BRINP1: variants seen among roughly 807,000 people sequenced by gnomAD.
BRINP1 encodes BMP/retinoic acid-inducible neural-specific protein 1.
Under a neutral mutation model 72.9 loss-of-function variants are expected in BRINP1, and 17 were observed. The observed-to-expected ratio is 0.23, with a 90% confidence interval of 0.16 to 0.35. The LOEUF (loss-of-function observed/expected upper bound fraction) is 0.35. BRINP1 is among the 10% of genes least tolerant of loss of function. BRINP1 has a pLI of 1.00. For synonymous variants in BRINP1, 418 were observed against 378.5 expected, an observed-to-expected ratio of 1.10 and a Z score of -1.21; for missense variants, 850 against 1,001.6, an observed-to-expected ratio of 0.85 and a Z score of 2.04.
intron 1 of BRINP1, among the ~76,000 whole-genome samples, chr9:119,329,267 T>C (rs976508322): frequency 6.6e-6 from 1 of 152,324 alleles, no homozygotes; most frequent in African/African-American, 2.4e-5. Flanking sequence ...ACCCTTGGCC[T>C]GATGTTTCCA....
intron 1 of BRINP1, among the ~76,000 whole-genome samples, chr9:119,325,636 A>G (rs1317422468): frequency 6.6e-6 from 1 of 152,130 alleles, no homozygotes; most frequent in Non-Finnish European, 1.5e-5. Flanking sequence ...GGATTATCAC[A>G]ACCATCTTCC....
chr9:119,328,324 AG>A (rs1261968395), intron 1 of BRINP1, among the ~76,000 whole-genome samples: 1 of 152,238 alleles, frequency 6.6e-6, no homozygotes, highest in Non-Finnish European at 1.5e-5. Context: ...AAAGAGATTA[AG>A]GCATGAATGG....
intron 2 of BRINP1, among the ~76,000 whole-genome samples, chr9:119,275,381 C>A (rs1215472669): frequency 6.6e-6 from 1 of 152,116 alleles, no homozygotes; most frequent in Non-Finnish European, 1.5e-5. Context: ...AAGGGTATAA[C>A]CTTATTCTGT....
chr9:119,178,281 T>C (rs1418506106), intron 7 of BRINP1, among the ~76,000 whole-genome samples: 1 of 152,182 alleles, frequency 6.6e-6, no homozygotes, highest in Non-Finnish European at 1.5e-5. Flanking sequence ...CCTCCCTTTC[T>C]AGAGAGGCCA....
rs1490214225 is a variant in BRINP1, at chr9:119,242,168, T to C, written c.458A>G (p.Lys153Arg). Residue 153 changes from lysine to arginine, a missense_variant, in exon 4 of 8, where the codon AAG becomes AGG. Transcript: ENST00000265922. ...MYMDKSRLDRKSGNATQSVEA... is the reference protein window; with the variant it reads ...MYMDKSRLDRRSGNATQSVEA... ...AACACTTTGAGTGGCATTCCCTGAC[T>C]TCCTGTCGAGGCGACTTTTGTCCAT... is the stretch of plus-strand genomic sequence containing the variant. 2 of 1,614,146 alleles carry C rather than the reference T, an allele frequency of 1.2e-6. No individual in the cohort carries two copies. The highest frequency in any genetic ancestry group is 1.7e-6 in the Non-Finnish European group (2 of 1,180,032).
chr9:119,178,402 C>T (rs1829512941), intron 7 of BRINP1, among the ~76,000 whole-genome samples: 2 of 152,144 alleles, frequency 1.3e-5, no homozygotes, highest in South Asian at 4.1e-4. Flanking sequence ...GAGATTAGAA[C>T]CACAAAAAGC....
intron 2 of BRINP1, among the ~76,000 whole-genome samples, chr9:119,295,388 C>T (rs975205043): frequency 1.6e-4 from 24 of 152,074 alleles, no homozygotes; most frequent in Admixed American, 2.6e-4. Context: ...CTTGCACCAA[C>T]CTAGATGATA....
intron 2 of BRINP1, among the ~76,000 whole-genome samples, chr9:119,284,071 C>A (rs1201091989): frequency 6.6e-6 from 1 of 152,276 alleles, no homozygotes; most frequent in East Asian, 1.9e-4. Context: ...TTCAAATATA[C>A]ATTAACTTTG....
intron 2 of BRINP1, among the ~76,000 whole-genome samples, chr9:119,273,000 A>G (rs1437785972): frequency 6.6e-6 from 1 of 152,194 alleles, no homozygotes; most frequent in South Asian, 2.1e-4. Context: ...CCCCTCCAAC[A>G]AGTGCTGAAA....
chr9:119,195,014 G>C (rs752008354), intron 7 of BRINP1, among the ~76,000 whole-genome samples: 11 of 152,150 alleles, frequency 7.2e-5, no homozygotes, highest in African/African-American at 2.7e-4. Flanking sequence ...GATAAGAATA[G>C]ACTGGACAAT....
At chr9:119,171,153 G>A (rs935840907) in intron 7 of BRINP1, among the ~76,000 whole-genome samples, 3 of 149,730 alleles carry the variant, frequency 2.0e-5, no homozygotes, top group African/African-American at 7.4e-5. Context: ...AATGTAAATG[G>A]ACTAAATGCT....
chr9:119,320,991 C>T lies in BRINP1; in HGVS notation c.-50-7586G>A, dbSNP rs570387665. ...TGTCGCCCAGGCTGGAGTGCAGTGG[C>T]GCTATCTCGGCTCACTGCAAGCTCC... On this transcript the variant is annotated intron_variant, in intron 1 of 7. Transcript: ENST00000265922. 2.8e-3 allele frequency among the ~76,000 whole-genome samples: 431 copies of T among 151,770 alleles called. 1 individual carries two copies. The highest frequency in any genetic ancestry group is 9.8e-3 in the African/African-American group (407 of 41,368).
rs770318935 is a variant in BRINP1, at chr9:119,213,907, G to A, written c.922+12C>T. On this transcript the variant is annotated intron_variant, in intron 6 of 7. Transcript: ENST00000265922. ...GGCCACTCATGCAGTGGCACTGAGT[G>A]AGACTCTCTACCTGAATTCTCCAGG... 6 of 1,609,892 alleles carry A rather than the reference G, an allele frequency of 3.7e-6. No individual in the cohort carries two copies. The highest frequency in any genetic ancestry group is 5.1e-6 in the Non-Finnish European group (6 of 1,176,308).
chr9:119,358,630 G>C (rs1044374306), intron 1 of BRINP1, among the ~76,000 whole-genome samples: 1 of 152,182 alleles, frequency 6.6e-6, no homozygotes, highest in Non-Finnish European at 1.5e-5. Context: ...GAAGGCGGAG[G>C]TTGCAGTGAG....
intron 1 of BRINP1, among the ~76,000 whole-genome samples, chr9:119,322,180 A>G (rs1190294093): frequency 6.6e-6 from 1 of 152,190 alleles, no homozygotes; most frequent in Non-Finnish European, 1.5e-5. Context: ...TGTTCTTCCA[A>G]AAGATTCACA....
chr9:119,282,911 G>A, intron 2 of BRINP1: 2 of 985,390 alleles, frequency 2.0e-6, no homozygotes, highest in Non-Finnish European at 2.4e-6. Flanking sequence ...AAAGCTCTAT[G>A]CCCCTGGGAG....
chr9:119,240,483 C>T (rs1443023599), intron 4 of BRINP1, among the ~76,000 whole-genome samples: 1 of 152,144 alleles, frequency 6.6e-6, no homozygotes, highest in Non-Finnish European at 1.5e-5. Flanking sequence ...CTAGGATACA[C>T]GAAGGAGGAT....
chr9:119,249,234 C>G (rs1397889707), intron 2 of BRINP1, 84 bp from the exon 3 acceptor site: 2 of 1,359,916 alleles, frequency 1.5e-6, no homozygotes, highest in Non-Finnish European at 2.0e-6. Context: ...ATCCAGGCAT[C>G]TCTCCTTAAG....
intron 7 of BRINP1, among the ~76,000 whole-genome samples, chr9:119,199,553 A>T (rs768398693): frequency 6.6e-6 from 1 of 152,162 alleles, no homozygotes; most frequent in Non-Finnish European, 1.5e-5. Context: ...GGCCATGTGA[A>T]TTTGTGAAGT....
Sources: allele counts gnomAD v4.1 joint callset (sites outside exome capture counted in the v4.1 genomes callset), GRCh38; gene constraint gnomAD v4.1.1; transcripts MANE v1.5; gene names NCBI Gene and HGNC (gene_info 2026-07-23, HGNC 2026-07-21).